GPHN: variants seen among roughly 807,000 people sequenced by gnomAD.
GPHN encodes gephyrin.
GPHN carries 17 observed loss-of-function variants against 95.5 expected under a neutral mutation model. That is an observed-to-expected ratio of 0.18 (90% CI 0.12 to 0.27). The LOEUF (loss-of-function observed/expected upper bound fraction) is 0.27. Ranked by LOEUF, GPHN falls within the 10% of genes least tolerant of loss-of-function variation. The probability of loss-of-function intolerance (pLI) is 1.00; values close to 1 mark genes in which losing one functional copy is unlikely to be tolerated. For missense variants in GPHN, 660 were observed against 978.1 expected (o/e 0.67, Z 4.34); for synonymous variants, 320 against 322.5 (o/e 0.99, Z 0.08).
chr14:66,556,164 A>G (rs1311158096), intron 1 of GPHN, among the ~76,000 whole-genome samples: 9 of 152,200 alleles, frequency 5.9e-5, no homozygotes, highest in African/African-American at 1.4e-4. Flanking sequence ...TGAGACCACC[A>G]TCATATATGT....
rs543179286 is a variant in GPHN, at chr14:66,510,431, T to A, written c.64+1840T>A. Reference sequence around the variant, plus strand: ...AACGAATCAACTTACCTTTGTGAAGTGACATAGCAGATAGGTGTTGTACAG... The same window carrying A: ...AACGAATCAACTTACCTTTGTGAAGAGACATAGCAGATAGGTGTTGTACAG... On this transcript the variant is annotated intron_variant, in intron 1 of 22. Transcript: ENST00000478722. 6.7e-4 allele frequency among the ~76,000 whole-genome samples: 102 copies of A among 152,366 alleles called. 1 individual carries two copies. The highest frequency in any genetic ancestry group is 1.4e-3 in the South Asian group (7 of 4,832).
At chr14:67,631,413 T>C in the GPHN span, among the ~76,000 whole-genome samples, 4 of 151,358 alleles carry the variant, frequency 2.6e-5, no homozygotes, top group South Asian at 4.2e-4. Context: ...CAAATTCCTC[T>C]AGTAAATCCT....
chr14:67,200,091 TG>T, the GPHN span: 1 of 1,011,832 alleles, frequency 9.9e-7, no homozygotes, highest in Non-Finnish European at 1.5e-6. Flanking sequence ...TGCCTTATCC[TG>T]GACCTCCTCC....
chr14:67,289,973 C>T, the GPHN span, among the ~76,000 whole-genome samples: 4 of 151,924 alleles, frequency 2.6e-5, no homozygotes, highest in Admixed American at 1.3e-4. Context: ...GGGGTTTCAC[C>T]GTGTTCGCCA....
intron 4 of GPHN, among the ~76,000 whole-genome samples, chr14:66,847,667 A>G (rs1222707795): frequency 6.6e-6 from 1 of 152,168 alleles, no homozygotes; most frequent in Non-Finnish European, 1.5e-5. Flanking sequence ...ACTGAATGAC[A>G]GCAGAATGTA....
chr14:66,989,655 G>GA (rs34801654), intron 9 of GPHN, among the ~76,000 whole-genome samples: 7,551 of 111,348 alleles, frequency 0.068, 203 homozygotes, highest in Non-Finnish European at 0.092. Context: ...GTCCAATATA[G>GA]AAAAAAAAAA....
intron 1 of GPHN, among the ~76,000 whole-genome samples, chr14:66,631,230 A>AC (rs1566732824): frequency 2.0e-5 from 3 of 151,574 alleles, no homozygotes; most frequent in East Asian, 3.9e-4. Flanking sequence ...TGTATTTTCA[A>AC]TAGAGACGAG....
the GPHN span, among the ~76,000 whole-genome samples, chr14:67,436,036 G>C: frequency 6.6e-6 from 1 of 152,210 alleles, no homozygotes; most frequent in African/African-American, 2.4e-5. Context: ...GGCTCCCAGA[G>C]GGCTTACTTC....
At chr14:66,955,318 A>C (rs1190400047) in intron 8 of GPHN, among the ~76,000 whole-genome samples, 1 of 151,760 alleles carries the variant, frequency 6.6e-6, no homozygotes, top group African/African-American at 2.4e-5. Flanking sequence ...TTTCTTCTTG[A>C]GTTGGTTTTG....
intron 1 of GPHN, among the ~76,000 whole-genome samples, chr14:66,632,744 G>A (rs756689555): frequency 3.9e-5 from 6 of 152,006 alleles, no homozygotes; most frequent in Non-Finnish European, 5.9e-5. Flanking sequence ...GCCTGCCTGG[G>A]CCTACCAAAG....
the GPHN span, among the ~76,000 whole-genome samples, chr14:67,719,606 C>T: frequency 7.2e-5 from 11 of 152,124 alleles, no homozygotes; most frequent in African/African-American, 2.7e-4. Context: ...TCCCAAGTAG[C>T]TGGGACCACA....
the GPHN span, among the ~76,000 whole-genome samples, chr14:67,609,685 G>A: frequency 1.6e-3 from 248 of 152,306 alleles, 2 homozygotes; most frequent in African/African-American, 5.7e-3. Context: ...GTGGTTGAAA[G>A]GGGCTCATTA....
chr14:67,312,768 C>A, the GPHN span: 1 of 1,290,334 alleles, frequency 7.7e-7, no homozygotes, highest in Non-Finnish European at 1.0e-6. Flanking sequence ...AAATGCAAGC[C>A]TTCACAAAGA....
chr14:66,765,016 A>G (rs1454860539), intron 2 of GPHN, among the ~76,000 whole-genome samples: 1 of 152,200 alleles, frequency 6.6e-6, no homozygotes, highest in African/African-American at 2.4e-5. Flanking sequence ...CAGATAATAA[A>G]AAAATGAAAA....
chr14:67,030,405 CT>C (rs1214403052), intron 10 of GPHN, among the ~76,000 whole-genome samples: 1 of 152,130 alleles, frequency 6.6e-6, no homozygotes, highest in African/African-American at 2.4e-5. Flanking sequence ...AACATTAACC[CT>C]TAAATGGCTC....
At chr14:67,480,035 A>G in the GPHN span, among the ~76,000 whole-genome samples, 5 of 152,196 alleles carry the variant, frequency 3.3e-5, no homozygotes, top group Non-Finnish European at 7.3e-5. Context: ...CCTTGTAGGT[A>G]AAGTGAGGAT....
At chr14:67,198,190 T>C in the GPHN span, 2 of 1,613,728 alleles carry the variant, frequency 1.2e-6, no homozygotes, top group East Asian at 2.2e-5. Flanking sequence ...AAGACTACCA[T>C]GAGGATCAAT....
In GPHN at chr14:66,824,536, A is replaced by G; in HGVS notation, c.264A>G (p.Thr88=). 1 of 1,581,518 alleles carries G rather than the reference A, an allele frequency of 6.3e-7. No homozygotes were observed. The highest frequency in any genetic ancestry group is 8.7e-7 in the Non-Finnish European group (1 of 1,150,452). The change falls in exon 4 of 23, where the codon ACA becomes ACG. Residue 88 remains threonine, a synonymous_variant. Coordinates refer to ENST00000478722, the MANE Select transcript of GPHN (RefSeq NM_020806.5). The part of the protein sequence containing the change: ...ELNLILTTGG[T]GFAPRDVTPE... ...ATTTGATATTAACAACTGGAGGAAC[A>G]GGATTTGCACCACGAGATGTCACTC...
chr14:66,617,871 A>G (rs1446047236), intron 1 of GPHN, among the ~76,000 whole-genome samples: 1 of 152,160 alleles, frequency 6.6e-6, no homozygotes, highest in Non-Finnish European at 1.5e-5. Flanking sequence ...TAGCTGAGAT[A>G]TATTTTGTAA....
Sources: gnomAD v4.1 joint callset for allele counts (sites outside exome capture counted in the v4.1 genomes callset) on GRCh38, gnomAD v4.1.1 for gene constraint, MANE v1.5 for transcripts, NCBI Gene and HGNC (gene_info 2026-07-23, HGNC 2026-07-21) for gene names.